FER1L6: variants seen among roughly 807,000 people sequenced by gnomAD.
FER1L6 encodes the protein fer-1 like family member 6, also known as fer-1-like protein 6.
FER1L6 carries 177 observed loss-of-function variants against 219.2 expected under a neutral mutation model. That is an observed-to-expected ratio of 0.81 (90% CI 0.71 to 0.91). FER1L6 has a LOEUF of 0.91. Ranked by LOEUF, FER1L6 falls within the 40% of genes least tolerant of loss-of-function variation. The probability of loss-of-function intolerance (pLI) is 0.00; values close to 1 mark genes in which losing one functional copy is unlikely to be tolerated. For synonymous variants in FER1L6, 768 were observed against 824.3 expected (o/e 0.93, Z 1.17); for missense variants, 2,153 against 2,259.9 (o/e 0.95, Z 0.96).
chr8:124,083,167 ACTCT>A (rs72343098), intron 33 of FER1L6, among the ~76,000 whole-genome samples: 123,385 of 151,488 alleles, frequency 0.81, 50,843 homozygotes, highest in Non-Finnish European at 0.89. Flanking sequence ...ATCAAATTAT[ACTCT>A]CTTAGTTATT....
chr8:123,902,312 C>T (rs967103387), intron 1 of FER1L6, among the ~76,000 whole-genome samples: 4 of 152,094 alleles, frequency 2.6e-5, no homozygotes, highest in African/African-American at 7.2e-5. Flanking sequence ...CTGTATATAT[C>T]TGTTAAGTCC....
chr8:123,933,997 A>G lies in FER1L6; in HGVS notation c.-7-21995A>G, dbSNP rs189586523. ...TTTTCTGAACCATTTAGTCATAGAC[A>G]TCATAATGCATAATCACCAAATAAT... On this transcript the variant is annotated intron_variant, in intron 1 of 40. Coordinates refer to ENST00000522917, the MANE Select transcript of FER1L6 (RefSeq NM_001039112.2). Among the ~76,000 whole-genome samples, 10 of 152,324 alleles carry G rather than the reference A, an allele frequency of 6.6e-5. No homozygotes were observed. In the East Asian group the frequency reaches 1.3e-3, roughly 21 times the overall value.
intron 40 of FER1L6, 106 bp from the exon 41 acceptor site, chr8:124,119,501 C>T (rs1400684517): frequency 1.3e-6 from 1 of 755,282 alleles, no homozygotes; most frequent in Non-Finnish European, 2.3e-6. Context: ...AGGGCTCTCC[C>T]TATGGGTCCT....
chr8:123,910,444 G>A (rs760917821), intron 1 of FER1L6, among the ~76,000 whole-genome samples: 1 of 152,206 alleles, frequency 6.6e-6, no homozygotes, highest in Non-Finnish European at 1.5e-5. Flanking sequence ...TGCCGGAGTT[G>A]CTTTGGGTCA....
chr8:123,979,229 A>G (rs1324205659), intron 10 of FER1L6, among the ~76,000 whole-genome samples: 1 of 152,188 alleles, frequency 6.6e-6, no homozygotes, highest in Non-Finnish European at 1.5e-5. Flanking sequence ...AATAGCCTAT[A>G]TTCTTAGCAC....
intron 1 of FER1L6, among the ~76,000 whole-genome samples, chr8:123,928,522 C>T (rs527894576): frequency 6.6e-6 from 1 of 152,256 alleles, no homozygotes; most frequent in African/African-American, 2.4e-5. Flanking sequence ...CTCCAGTTCC[C>T]AGTGGGGTGG....
At chr8:123,933,388 G>A (rs907911806) in intron 1 of FER1L6, among the ~76,000 whole-genome samples, 1 of 140,536 alleles carries the variant, frequency 7.1e-6, no homozygotes, top group Non-Finnish European at 1.5e-5. Context: ...CTGTGTGTGT[G>A]TGTGTGTGTG....
chr8:124,057,827 G>A (rs1820375234), intron 22 of FER1L6, among the ~76,000 whole-genome samples: 1 of 151,996 alleles, frequency 6.6e-6, no homozygotes, highest in Non-Finnish European at 1.5e-5. Flanking sequence ...TTCAGCTATA[G>A]AATTTCCATT....
chr8:123,957,969 G>A (rs544416327), intron 2 of FER1L6, among the ~76,000 whole-genome samples: 2 of 152,284 alleles, frequency 1.3e-5, no homozygotes, highest in East Asian at 3.9e-4. Context: ...GCTGTTTGGG[G>A]TGAAATGTTT....
At chr8:124,067,108 G>A (rs879393456) in intron 27 of FER1L6, among the ~76,000 whole-genome samples, 1 of 152,070 alleles carries the variant, frequency 6.6e-6, no homozygotes, top group African/African-American at 2.4e-5. Context: ...TGGAGAGTCC[G>A]GCAAAAGCTC....
Position 124,039,924 on chromosome 8 carries a change from G to C in FER1L6, c.2507G>C (p.Arg836Pro), listed in dbSNP as rs376735300. 1.4e-5 allele frequency: 23 copies of C among 1,614,078 alleles called. No individual in the cohort carries two copies. In the African/African-American group the frequency reaches 2.8e-4, roughly 20 times the overall value. Reference sequence around the variant, plus strand: ...CTGAGGGCTCACATGTACCAAGCCCGGGGCCTCATCGCAGCTGACAGCAAT... The same window carrying C: ...CTGAGGGCTCACATGTACCAAGCCCCGGGCCTCATCGCAGCTGACAGCAAT... ...FQLRAHMYQARGLIAADSNGL... is the reference protein window; with the variant it reads ...FQLRAHMYQAPGLIAADSNGL... The change falls in exon 20 of 41, where the codon CGG becomes CCG. Residue 836 changes from arginine to proline, a missense_variant. Physicochemically the swap from Arg to Pro is moderately radical, Grantham distance 103. Transcript: ENST00000522917.
chr8:123,880,904 C>T (rs926468376), intron 1 of FER1L6, among the ~76,000 whole-genome samples: 1 of 90,998 alleles, frequency 1.1e-5, no homozygotes, highest in African/African-American at 3.7e-5. Flanking sequence ...TATCAGGATC[C>T]AGTTGGGGGC....
intron 16 of FER1L6, among the ~76,000 whole-genome samples, chr8:124,019,546 G>A (rs879056163): frequency 6.6e-6 from 1 of 152,204 alleles, no homozygotes. Context: ...ATTAGCAGAG[G>A]CTTCCTATGT....
chr8:123,980,636 A>T lies in FER1L6; in HGVS notation c.1235A>T (p.Glu412Val). The T allele has an allele frequency of 6.2e-7, 1 of 1,614,128 alleles. No individual in the cohort carries two copies. Among genetic ancestry groups the T allele is most frequent in the Non-Finnish European group, 8.5e-7 (1 of 1,180,012 alleles). ...GAAATCCTCTCAGGACGGGCACAGG[A>T]ATCTAAATTTTCCAAGGCCCTGAAG... ...AVEILSGRAQ[E>V]SKFSKALKEL... is the part of the protein sequence containing the mutation. The change falls in exon 11 of 41, where the codon GAA becomes GTA. Residue 412 changes from glutamate to valine, a missense_variant. Glu to Val is a moderately radical substitution (Grantham distance 121). Transcript: ENST00000522917.
chr8:124,002,690 C>G (rs1454151657), intron 12 of FER1L6, among the ~76,000 whole-genome samples: 4 of 140,294 alleles, frequency 2.9e-5, no homozygotes, highest in Admixed American at 7.1e-5. Context: ...CTCTCTCTCT[C>G]TCCCCACCCC....
At chr8:123,924,210 G>A (rs1218366759) in intron 1 of FER1L6, among the ~76,000 whole-genome samples, 2 of 140,798 alleles carry the variant, frequency 1.4e-5, no homozygotes, top group African/African-American at 2.7e-5. Flanking sequence ...ACTCCAGCTT[G>A]GGTGACAGAG....
rs188731484 is a variant in FER1L6, at chr8:124,116,227, G to T, written c.5290-2617G>T. Among the ~76,000 whole-genome samples the T allele has an allele frequency of 1.0e-3, 157 of 152,246 alleles. 2 individuals are homozygous for T. Among genetic ancestry groups the T allele is most frequent in the Non-Finnish European group, 4.7e-4 (32 of 68,020 alleles). On this transcript the variant is annotated intron_variant, in intron 39 of 40. Coordinates refer to ENST00000522917, the MANE Select transcript of FER1L6 (RefSeq NM_001039112.2). ...TTGGCTGTAAAATGGTAATAAAAACGCCATCTACTTTGTCAGCTAGCCAAA... is the reference window on the plus strand; with the variant it reads ...TTGGCTGTAAAATGGTAATAAAAACTCCATCTACTTTGTCAGCTAGCCAAA...
chr8:123,963,170 C>A, intron 2 of FER1L6, 108 bp from the exon 3 acceptor site: 1 of 1,434,936 alleles, frequency 7.0e-7, no homozygotes, highest in South Asian at 1.3e-5. Flanking sequence ...GTCTTCTAGT[C>A]TCTTTGTACC....
At chr8:123,863,627 AG>A in intron 1 of FER1L6, among the ~76,000 whole-genome samples, 1 of 138,700 alleles carries the variant, frequency 7.2e-6, no homozygotes, top group East Asian at 2.1e-4. Context: ...GTCTCTTTGT[AG>A]GTCACTCAGG....
Sources: allele counts gnomAD v4.1 joint callset (sites outside exome capture counted in the v4.1 genomes callset), GRCh38; gene constraint gnomAD v4.1.1; transcripts MANE v1.5; gene names NCBI Gene and HGNC (gene_info 2026-07-23, HGNC 2026-07-21).